The following CDC42EP4 variants were observed in gnomAD, a reference collection of about 807,000 sequenced individuals.
CDC42EP4 encodes CDC42 effector protein 4, also known as CDC42 effector protein (Rho GTPase binding) 4.
CDC42EP4 carries 6 observed loss-of-function variants against 5.6 expected under a neutral mutation model. The observed-to-expected ratio is 1.07, with a 90% CI of 0.59 to 2.12. CDC42EP4 has a LOEUF of 2.12. Among genes scored for constraint, CDC42EP4 ranks in the 30% most tolerant of loss-of-function variants. CDC42EP4 has a pLI of 0.00. For missense variants in CDC42EP4, 490 were observed against 508.6 expected (o/e 0.96, Z 0.35); for synonymous variants, 230 against 224.2 (o/e 1.03, Z -0.23).
intron 1 of CDC42EP4, chr17:73,306,655 C>T (rs915883011): frequency 6.6e-6 from 1 of 152,264 alleles, no homozygotes; most frequent in African/African-American, 2.4e-5. Flanking sequence ...CTCTCTACTC[C>T]TTGTACCACT....
Position 73,286,842 on chromosome 17 carries a change from C to G in CDC42EP4, c.-112-230G>C, listed in dbSNP as rs939976567. On this transcript the variant is annotated intron_variant, in intron 1 of 1. Transcript: ENST00000335793. This position sits in a 1 kb window ranked among gnomAD's most constrained non-coding sequence, Gnocchi z 7.7. ...TAGAGTTCCAGTAGCCTCGGACACACTTTCCCTGAAACTTGAGAGAGACAG... is the reference window on the plus strand; with the variant it reads ...TAGAGTTCCAGTAGCCTCGGACACAGTTTCCCTGAAACTTGAGAGAGACAG... 1 of 245,420 alleles carries G rather than the reference C, an allele frequency of 4.1e-6. No homozygotes were observed. Among genetic ancestry groups the G allele is most frequent in the Non-Finnish European group, 7.9e-6 (1 of 126,598 alleles). The allele number at this position is 245,420 out of a possible 1,614,324, so 15.2% of individuals were successfully genotyped here. A position where few individuals can be genotyped will look rare whatever the true frequency, so the allele number is the denominator to read the frequency against.
chr17:73,291,153 C>T (rs948065172), intron 1 of CDC42EP4, among the ~76,000 whole-genome samples: 1 of 152,190 alleles, frequency 6.6e-6, no homozygotes, highest in African/African-American at 2.4e-5. Context: ...GACAGGTCTA[C>T]CCAGTGCTGC....
At chr17:73,310,403 G>A (rs1230531639) in intron 1 of CDC42EP4, among the ~76,000 whole-genome samples, 1 of 152,046 alleles carries the variant, frequency 6.6e-6, no homozygotes, top group Non-Finnish European at 1.5e-5. Context: ...GGGTTCGGAC[G>A]AGAGAGAGAT....
chr17:73,308,490 C>T (rs1449845617), intron 1 of CDC42EP4, among the ~76,000 whole-genome samples: 1 of 152,204 alleles, frequency 6.6e-6, no homozygotes, highest in Non-Finnish European at 1.5e-5. Context: ...ACACAGAAGG[C>T]TGGACTTACT....
At chr17:73,290,961 G>A (rs2062158593) in intron 1 of CDC42EP4, among the ~76,000 whole-genome samples, 1 of 152,196 alleles carries the variant, frequency 6.6e-6, no homozygotes, top group Non-Finnish European at 1.5e-5. Flanking sequence ...TGGCCATGAT[G>A]GCTACAGGGG....
At chr17:73,299,464 C>T (rs1229058506) in intron 1 of CDC42EP4, among the ~76,000 whole-genome samples, 14 of 150,754 alleles carry the variant, frequency 9.3e-5, no homozygotes, top group African/African-American at 1.5e-4. Flanking sequence ...CACACACACA[C>T]ACACACACAC....
At chr17:73,298,163 C>A (rs774810237) in intron 1 of CDC42EP4, among the ~76,000 whole-genome samples, 2 of 152,068 alleles carry the variant, frequency 1.3e-5, no homozygotes, top group Non-Finnish European at 2.9e-5. Flanking sequence ...GCCTCTCTTG[C>A]GTGAAAATCT....
chr17:73,297,491 A>ATT (rs2062194776), intron 1 of CDC42EP4, among the ~76,000 whole-genome samples: 1 of 151,970 alleles, frequency 6.6e-6, no homozygotes. Context: ...ATAAATAAAA[A>ATT]TTTAAAATAA....
chr17:73,286,670 GCCTCTTTGCCAGGGGA>G lies in CDC42EP4; in HGVS notation c.-112-74_-112-59del. The G allele has an allele frequency of 1.7e-6, 1 of 594,304 alleles. No individual in the cohort carries two copies. The allele number at this position is 594,304 out of a possible 1,614,324, so 36.8% of individuals were successfully genotyped here. A position where few individuals can be genotyped will look rare whatever the true frequency, so the allele number is the denominator to read the frequency against. On this transcript the variant is annotated intron_variant, in intron 1 of 1. Transcript: ENST00000335793. The surrounding 1 kb of genome is among the most constrained non-coding windows in gnomAD (Gnocchi z 7.7). ...CGCGGGCTGGCCACACGGCACAAAA[GCCTCTTTGCCAGGGGA>G]CTGTCATTTAAACCCCAGCGCTCCT...
In CDC42EP4 at chr17:73,301,936, C is replaced by A. The variant is rs189765551; in HGVS notation, c.-113+9957G>T. Reference sequence around the variant, plus strand: ...AACTCTTGACCTTAGGTGATCCACCCACCTCGGCCTCCCAAAGTGCTGGGA... The same window carrying A: ...AACTCTTGACCTTAGGTGATCCACCAACCTCGGCCTCCCAAAGTGCTGGGA... On this transcript the variant is annotated intron_variant, in intron 1 of 1. Transcript: ENST00000335793. Among the ~76,000 whole-genome samples the A allele has an allele frequency of 4.1e-3, 627 of 151,822 alleles. 15 individuals are homozygous for A. Among genetic ancestry groups the A allele is most frequent in the Admixed American group, 0.037 (560 of 15,232 alleles).
chr17:73,288,094 G>A (rs2062143201), intron 1 of CDC42EP4, among the ~76,000 whole-genome samples: 3 of 152,110 alleles, frequency 2.0e-5, no homozygotes, highest in Admixed American at 1.3e-4. Flanking sequence ...GCATCCTTCA[G>A]GGCTCAGCTG....
intron 1 of CDC42EP4, among the ~76,000 whole-genome samples, chr17:73,290,426 G>A (rs970208561): frequency 6.6e-6 from 1 of 152,234 alleles, no homozygotes; most frequent in Non-Finnish European, 1.5e-5. Flanking sequence ...TAATCCTAGA[G>A]CAGGTTCCAC....
chr17:73,306,258 G>C (rs2062243783), intron 1 of CDC42EP4, among the ~76,000 whole-genome samples: 1 of 151,986 alleles, frequency 6.6e-6, no homozygotes, highest in Non-Finnish European at 1.5e-5. Flanking sequence ...GGGAGGCAGA[G>C]GCAGAAGCAG....
intron 1 of CDC42EP4, among the ~76,000 whole-genome samples, chr17:73,287,357 G>C (rs1028517797): frequency 6.6e-6 from 1 of 152,188 alleles, no homozygotes; most frequent in Non-Finnish European, 1.5e-5. Flanking sequence ...TGGTGTCTCG[G>C]GGAGATCAAG....
rs57714877 is a variant in CDC42EP4, at chr17:73,309,038, C to CAAAA, written c.-113+2851_-113+2854dup. ...GGGCAACAGAGCAAAGCTCTGTCTC[C>CAAAA]AAAAAAAAAAAAAAAAAAAAGGGTT... On this transcript the variant is annotated intron_variant, in intron 1 of 1. Transcript: ENST00000335793. Among the ~76,000 whole-genome samples the CAAAA allele has an allele frequency of 1.8e-4, 6 of 34,012 alleles. 1 individual carries two copies. The East Asian group carries it at 2.8e-3, about 16-fold the overall frequency. The allele number at this position is 34,012 out of a possible 152,430, so 22.3% of individuals were successfully genotyped here. A position where few individuals can be genotyped will look rare whatever the true frequency, so the allele number is the denominator to read the frequency against.
intron 1 of CDC42EP4, among the ~76,000 whole-genome samples, chr17:73,299,381 G>A (rs1224464202): frequency 4.6e-5 from 4 of 86,216 alleles, no homozygotes; most frequent in African/African-American, 2.0e-4. Flanking sequence ...AGTGAGCCGA[G>A]ATCATGCCAC....
chr17:73,311,812 G>A (rs1011574849), intron 1 of CDC42EP4, 81 bp downstream of exon 1: 1 of 152,002 alleles, frequency 6.6e-6, no homozygotes, highest in Non-Finnish European at 1.5e-5. Flanking sequence ...CCCCACAGGG[G>A]GACTCGAGAC....
At chr17:73,305,911 G>A (rs1317406010) in intron 1 of CDC42EP4, among the ~76,000 whole-genome samples, 1 of 152,138 alleles carries the variant, frequency 6.6e-6, no homozygotes, top group Non-Finnish European at 1.5e-5. Context: ...TGATGCAGGG[G>A]GAAGGGTCCC....
intron 1 of CDC42EP4, among the ~76,000 whole-genome samples, chr17:73,294,734 TACAC>T (rs1361500776): frequency 1.3e-5 from 2 of 152,154 alleles, no homozygotes; most frequent in Non-Finnish European, 2.9e-5. Context: ...AGTTTTAGTT[TACAC>T]ACACACACCA....
Sources: gnomAD v4.1 joint callset for allele counts (sites outside exome capture counted in the v4.1 genomes callset) on GRCh38, gnomAD v4.1.1 for gene constraint, Gnocchi (gnomAD v3.1) non-coding constraint, MANE v1.5 for transcripts, NCBI Gene and HGNC (gene_info 2026-07-23, HGNC 2026-07-21) for gene names.